Variants in TTLL11 observed in about 807,000 individuals in gnomAD.
TTLL11 encodes the protein tubulin tyrosine ligase like 11.
TTLL11 carries 42 observed loss-of-function variants against 51.7 expected under a neutral mutation model. The observed-to-expected ratio is 0.81, with a 90% CI of 0.64 to 1.05. TTLL11 has a LOEUF of 1.05. Ranked by LOEUF, TTLL11 falls within the 50% of genes least tolerant of loss-of-function variation. TTLL11 has a pLI of 0.00. For missense variants in TTLL11, 799 were observed against 940.4 expected (o/e 0.85, Z 1.97); for synonymous variants, 381 against 383.5 (o/e 0.99, Z 0.08).
chr9:122,027,612 T>G (rs921053613), intron 3 of TTLL11, among the ~76,000 whole-genome samples: 3 of 152,222 alleles, frequency 2.0e-5, no homozygotes, highest in Non-Finnish European at 4.4e-5. Flanking sequence ...TGGGGTGCTC[T>G]CTCTGTCCTA....
chr9:121,912,061 C>G (rs1309385581), intron 6 of TTLL11, among the ~76,000 whole-genome samples: 2 of 152,216 alleles, frequency 1.3e-5, no homozygotes, highest in Admixed American at 1.3e-4. Context: ...AAGCCCTGGC[C>G]TGGGCATTCC....
At chr9:122,072,358 A>G (rs1239415284) in intron 1 of TTLL11, among the ~76,000 whole-genome samples, 3 of 151,998 alleles carry the variant, frequency 2.0e-5, no homozygotes, top group Non-Finnish European at 4.4e-5. Flanking sequence ...AAATGTTAGC[A>G]GTCAGCCAGG....
At chr9:121,840,565 T>C (rs9886788) in intron 8 of TTLL11, among the ~76,000 whole-genome samples, 9,013 of 152,170 alleles carry the variant, frequency 0.059, 727 homozygotes, top group African/African-American at 0.19. Flanking sequence ...TTGGCTACTT[T>C]TTGTATTTTT....
intron 1 of TTLL11, among the ~76,000 whole-genome samples, chr9:122,058,294 T>G (rs1845347425): frequency 6.6e-6 from 1 of 152,202 alleles, no homozygotes; most frequent in South Asian, 2.1e-4. Context: ...TAGCTCCATG[T>G]GGAGGGAGGA....
intron 1 of TTLL11, among the ~76,000 whole-genome samples, chr9:122,055,642 T>C (rs1291012910): frequency 6.6e-6 from 1 of 152,080 alleles, no homozygotes; most frequent in African/African-American, 2.4e-5. Context: ...CAAGGGAACA[T>C]AGGAGGATGA....
chr9:121,980,194 A>ATT lies in TTLL11; in HGVS notation c.1270-5217_1270-5216dup, dbSNP rs148269228. The stretch of plus-strand genomic sequence containing the variant: ...GGGCCAGGGGGGCCTTTCTTTTTTC[A>ATT]TTTTTTTTCACAGCAAAATAAGTTT... On this transcript the variant is annotated intron_variant, in intron 4 of 8. Coordinates refer to ENST00000321582, the MANE Select transcript of TTLL11 (RefSeq NM_001139442.2). 5.9e-3 allele frequency among the ~76,000 whole-genome samples: 893 copies of ATT among 151,580 alleles called. 7 individuals carry two copies. Among genetic ancestry groups the ATT allele is most frequent in the African/African-American group, 0.02 (840 of 41,276 alleles).
At chr9:121,954,678 G>GCACA (rs71371904) in intron 6 of TTLL11, among the ~76,000 whole-genome samples, 10,380 of 149,340 alleles carry the variant, frequency 0.07, 481 homozygotes, top group African/African-American at 0.13. Flanking sequence ...ACACACAGAC[G>GCACA]CACACACACA....
At position 121,816,646 on chromosome 9, in the gene TTLL11, A is replaced by C. The variant is rs1037777230; in HGVS notation, c.*5941T>G. On this transcript the variant is annotated 3_prime_UTR_variant, in exon 9 of 9. Coordinates refer to ENST00000321582, the MANE Select transcript of TTLL11 (RefSeq NM_001139442.2). ...GTGCATGTGTGGTGTGTGCGCGCACATGCGTGTGTGTGCATGTGTGCGTGT... is the reference window on the plus strand; with the variant it reads ...GTGCATGTGTGGTGTGTGCGCGCACCTGCGTGTGTGTGCATGTGTGCGTGT... The C allele has an allele frequency of 2.3e-4, 34 of 149,630 alleles. No individual in the cohort carries two copies. Among genetic ancestry groups the C allele is most frequent in the Admixed American group, 2.1e-3 (31 of 15,044 alleles). The allele number at this position is 149,630 out of a possible 1,614,324, so 9.3% of individuals were successfully genotyped here.
At chr9:121,931,455 T>A in intron 6 of TTLL11, among the ~76,000 whole-genome samples, 1 of 151,846 alleles carries the variant, frequency 6.6e-6, no homozygotes, top group African/African-American at 2.4e-5. Context: ...TAAGAAATAT[T>A]CAAAAGGCCA....
intron 6 of TTLL11, among the ~76,000 whole-genome samples, chr9:121,892,053 A>C (rs1183649234): frequency 6.9e-6 from 1 of 144,514 alleles, no homozygotes; most frequent in Non-Finnish European, 1.5e-5. Context: ...ATATTAAAAA[A>C]TATAAAAAAT....
chr9:122,016,284 G>T (rs1055739666), intron 3 of TTLL11, among the ~76,000 whole-genome samples: 2 of 152,140 alleles, frequency 1.3e-5, no homozygotes, highest in Non-Finnish European at 2.9e-5. Context: ...GTTAAATATG[G>T]AAGGACCCAG....
intron 8 of TTLL11, among the ~76,000 whole-genome samples, chr9:121,855,813 T>C (rs1179627673): frequency 6.6e-6 from 1 of 152,244 alleles, no homozygotes; most frequent in African/African-American, 2.4e-5. Flanking sequence ...TTCCAGGCCA[T>C]GTGCTAGGCC....
At chr9:121,922,009 A>G (rs1840563441) in intron 6 of TTLL11, among the ~76,000 whole-genome samples, 1 of 152,192 alleles carries the variant, frequency 6.6e-6, no homozygotes, top group Admixed American at 6.5e-5. Flanking sequence ...TAACATCTTC[A>G]AGGAGCTTAG....
At chr9:121,999,868 C>T (rs1247399148) in intron 3 of TTLL11, among the ~76,000 whole-genome samples, 1 of 152,182 alleles carries the variant, frequency 6.6e-6, no homozygotes, top group Non-Finnish European at 1.5e-5. Context: ...ACATTTTATA[C>T]CCTGGGGAGC....
In TTLL11 at chr9:121,906,344, TA is replaced by T. The variant is rs10573918; in HGVS notation, c.1482-35597del. On this transcript the variant is annotated intron_variant, in intron 6 of 8. Transcript: ENST00000321582. ...TCAGATCCATTTATGTAATAATTTT[TA>T]AAAAAAAAAAAATCTGTCTTCTCCA... Among the ~76,000 whole-genome samples, 94 of 151,646 alleles carry T rather than the reference TA, an allele frequency of 6.2e-4. 1 individual carries two copies. Among genetic ancestry groups the T allele is most frequent in the South Asian group, 4.0e-3 (19 of 4,796 alleles).
At chr9:121,883,587 C>T (rs543689797) in intron 6 of TTLL11, among the ~76,000 whole-genome samples, 1 of 152,254 alleles carries the variant, frequency 6.6e-6, no homozygotes, top group East Asian at 1.9e-4. Flanking sequence ...GCAGTCAGGT[C>T]CAGAGAAAAA....
intron 6 of TTLL11, among the ~76,000 whole-genome samples, chr9:121,970,903 T>C (rs1842527895): frequency 2.0e-5 from 3 of 152,242 alleles, no homozygotes; most frequent in Admixed American, 2.0e-4. Flanking sequence ...TGCACACGTA[T>C]GTTTATTGCA....
intron 2 of TTLL11, among the ~76,000 whole-genome samples, chr9:122,038,566 T>C (rs906836557): frequency 1.3e-5 from 2 of 152,172 alleles, no homozygotes; most frequent in Non-Finnish European, 2.9e-5. Flanking sequence ...GGAGAATTGC[T>C]TGAACCTGGG....
chr9:122,012,980 G>C (rs1843858049), intron 3 of TTLL11, among the ~76,000 whole-genome samples: 1 of 152,152 alleles, frequency 6.6e-6, no homozygotes, highest in Non-Finnish European at 1.5e-5. Context: ...TCCCCTTTGT[G>C]TTGGGCACTG....
Sources: gnomAD v4.1 joint callset for allele counts (sites outside exome capture counted in the v4.1 genomes callset) on GRCh38, gnomAD v4.1.1 for gene constraint, MANE v1.5 for transcripts, NCBI Gene and HGNC (gene_info 2026-07-23, HGNC 2026-07-21) for gene names.